Variants in LCOR observed in about 807,000 individuals in gnomAD.
The protein encoded by LCOR is ligand dependent nuclear receptor corepressor, also known as ligand-dependent corepressor.
In LCOR, 14 loss-of-function variants were observed where a neutral mutation model predicts 64.4. The ratio of observed to expected loss-of-function variants is 0.22; its 90% CI spans 0.14 to 0.34. The LOEUF (loss-of-function observed/expected upper bound fraction) is 0.34, where lower values mean the gene tolerates loss of function less well. Among genes scored for constraint, LCOR ranks in the 10% least tolerant of loss-of-function variants. LCOR has a pLI of 1.00. For synonymous variants in LCOR, 643 were observed against 642.5 expected (o/e 1.00, Z -0.01); for missense variants, 1,686 against 1,765.3 (o/e 0.96, Z 0.80).
At chr10:96,890,994 G>A (rs1846429876) in intron 2 of LCOR, among the ~76,000 whole-genome samples, 1 of 152,048 alleles carries the variant, frequency 6.6e-6, no homozygotes, top group South Asian at 2.1e-4. Flanking sequence ...TTGGTCTGTA[G>A]TTTCCTTATG....
At chr10:96,871,217 C>CTT (rs113618273) in intron 2 of LCOR, among the ~76,000 whole-genome samples, 118 of 140,014 alleles carry the variant, frequency 8.4e-4, no homozygotes, top group African/African-American at 2.5e-3. Flanking sequence ...CCACACCTGG[C>CTT]TTTTTTTTTT....
chr10:96,965,634 C>G (rs1462925185), intron 7 of LCOR, among the ~76,000 whole-genome samples: 2 of 141,856 alleles, frequency 1.4e-5, no homozygotes, highest in African/African-American at 5.4e-5. Flanking sequence ...TGCACTCCAG[C>G]CTGGGCGACA....
rs781342632 is a variant in LCOR at position 96,981,527 on chromosome 10, T to G, written c.1067T>G (p.Phe356Cys). 6.2e-7 allele frequency: 1 copy of G among 1,614,178 alleles called. No homozygotes were observed. Residue 356 changes from phenylalanine (F) to cysteine (C), a missense_variant, in exon 8 of 8, where the codon TTT becomes TGT. By Grantham distance (205) the Phe-to-Cys change is radical (BLOSUM62 -2). Transcript: ENST00000421806. The part of the protein sequence containing the change: ...ALSEEAWNSG[F>C]MGNSSRTADK... ...TCAGAAGAGGCTTGGAACTCAGGGTTTATGGGGAACTCATCTAGAACTGCT... is the reference window on the plus strand; with the variant it reads ...TCAGAAGAGGCTTGGAACTCAGGGTGTATGGGGAACTCATCTAGAACTGCT...
In LCOR at chr10:96,982,851, A is replaced by G; in HGVS notation, c.2391A>G (p.Glu797=). ...ATGATACAAGCATTGACTCACTCGA[A>G]GAGAATTTGGACAAGAAGAAAAAAG... ...DTYDTSIDSL[E]ENLDKKKKGK... is the part of the protein sequence containing the mutation. Residue 797 remains glutamate, a synonymous_variant, in exon 8 of 8, where the codon GAA becomes GAG. Coordinates refer to ENST00000421806, the MANE Select transcript of LCOR (RefSeq NM_001346516.2). 5 of 1,614,102 alleles carry G rather than the reference A, an allele frequency of 3.1e-6. No individual in the cohort carries two copies. The highest frequency in any genetic ancestry group is 4.2e-6 in the Non-Finnish European group (5 of 1,180,046).
rs150820167 is a variant in LCOR, at chr10:96,861,305, A to G, written c.-330+27826A>G. On this transcript the variant is annotated intron_variant, in intron 2 of 7. Transcript: ENST00000421806. ...AATGAAATAACAGTAAGTAAAGAAA[A>G]TGTCATAAGTTCGTAGTGATGAATG... Among the ~76,000 whole-genome samples, 462 of 152,328 alleles carry G rather than the reference A, an allele frequency of 3.0e-3. 4 individuals carry two copies. The highest frequency in any genetic ancestry group is 0.011 in the African/African-American group (443 of 41,582).
intron 4 of LCOR, among the ~76,000 whole-genome samples, chr10:96,912,186 G>A (rs1447647688): frequency 1.3e-5 from 2 of 151,934 alleles, no homozygotes; most frequent in Non-Finnish European, 2.9e-5. Context: ...CACCCGCCTC[G>A]GCCTCCCAAA....
chr10:96,936,289 G>T (rs933061679), intron 4 of LCOR, among the ~76,000 whole-genome samples: 1 of 152,214 alleles, frequency 6.6e-6, no homozygotes, highest in Non-Finnish European at 1.5e-5. Flanking sequence ...TGTTTAAAAA[G>T]CATATCTCAA....
At chr10:96,833,970 A>G (rs1232464347) in intron 2 of LCOR, among the ~76,000 whole-genome samples, 2 of 152,200 alleles carry the variant, frequency 1.3e-5, no homozygotes, top group Non-Finnish European at 2.9e-5. Context: ...TGGTTAGCTC[A>G]GTGTCTTTGT....
At chr10:96,867,738 T>A (rs1393979895) in intron 2 of LCOR, among the ~76,000 whole-genome samples, 3 of 152,120 alleles carry the variant, frequency 2.0e-5, no homozygotes, top group Admixed American at 6.6e-5. Context: ...CTCTATTTTA[T>A]ATGTATAGAT....
At chr10:96,864,039 C>T (rs1450623719) in intron 2 of LCOR, among the ~76,000 whole-genome samples, 1 of 152,176 alleles carries the variant, frequency 6.6e-6, no homozygotes, top group East Asian at 1.9e-4. Flanking sequence ...GTTTCTACAG[C>T]TAATGATGCC....
intron 2 of LCOR, among the ~76,000 whole-genome samples, chr10:96,888,326 T>G (rs1334196627): frequency 8.8e-6 from 1 of 113,662 alleles, no homozygotes; most frequent in Non-Finnish European, 1.6e-5. Flanking sequence ...ATCATGCCAC[T>G]GCACTCTAGC....
At position 96,956,300 on chromosome 10, in the gene LCOR, C is replaced by T; in HGVS notation, c.332+4104C>T. The T allele has an allele frequency of 4.0e-6, 4 of 994,396 alleles. No homozygotes were observed. The South Asian group carries it at 1.4e-4, about 34-fold the overall frequency. The allele number at this position is 994,396 out of a possible 1,614,324, so 61.6% of individuals were successfully genotyped here. ...TTACTTTTTAAAAAAGAAGAGGAAACAAAGCCCCCTTTTAGAAACTACGTC... is the reference window on the plus strand; with the variant it reads ...TTACTTTTTAAAAAAGAAGAGGAAATAAAGCCCCCTTTTAGAAACTACGTC... On this transcript the variant is annotated intron_variant, in intron 7 of 7. Coordinates refer to ENST00000421806, the MANE Select transcript of LCOR (RefSeq NM_001346516.2).
chr10:96,978,233 C>T (rs1247853969), intron 7 of LCOR, among the ~76,000 whole-genome samples: 1 of 152,166 alleles, frequency 6.6e-6, no homozygotes, highest in Admixed American at 6.5e-5. Context: ...CTCATTGAGT[C>T]GGAAAGTTGG....
chr10:96,916,175 G>C lies in LCOR; in HGVS notation c.-184+8428G>C, dbSNP rs1250098682. On this transcript the variant is annotated intron_variant, in intron 4 of 7. Coordinates refer to ENST00000421806, the MANE Select transcript of LCOR (RefSeq NM_001346516.2). ...GCCTCCTGAGTAGCTGGGACTACAG[G>C]TGCCCGCCACCACTCCCGTCTAACT... 2.0e-5 allele frequency among the ~76,000 whole-genome samples: 3 copies of C among 152,126 alleles called. No individual in the cohort carries two copies. In the East Asian group the frequency reaches 5.8e-4, roughly 29 times the overall value.
intron 2 of LCOR, among the ~76,000 whole-genome samples, chr10:96,866,859 A>C (rs2134399685): frequency 6.6e-6 from 1 of 152,240 alleles, no homozygotes; most frequent in East Asian, 1.9e-4. Flanking sequence ...TACAGACTTC[A>C]GCCACCGTGC....
At chr10:96,849,569 T>C (rs1845691873) in intron 2 of LCOR, among the ~76,000 whole-genome samples, 1 of 152,208 alleles carries the variant, frequency 6.6e-6, no homozygotes, top group Non-Finnish European at 1.5e-5. Context: ...TCTGAAACTT[T>C]TTGAACACCG....
At chr10:96,865,441 A>G (rs1361341074) in intron 2 of LCOR, among the ~76,000 whole-genome samples, 1 of 152,194 alleles carries the variant, frequency 6.6e-6, no homozygotes, top group Non-Finnish European at 1.5e-5. Context: ...TTAGGCAGAC[A>G]TTCTGTCAGT....
At chr10:96,920,662 G>GTA (rs1464255613) in intron 4 of LCOR, among the ~76,000 whole-genome samples, 1 of 128,504 alleles carries the variant, frequency 7.8e-6, no homozygotes, top group Admixed American at 7.6e-5. Flanking sequence ...GTGTATATAT[G>GTA]TATATATGTA....
intron 4 of LCOR, among the ~76,000 whole-genome samples, chr10:96,935,897 C>G (rs554814120): frequency 1.6e-4 from 24 of 152,350 alleles, no homozygotes; most frequent in East Asian, 3.9e-4. Context: ...TAGAAAATCT[C>G]ACACCTAAAG....
Sources: gnomAD v4.1 joint callset for allele counts (sites outside exome capture counted in the v4.1 genomes callset) on GRCh38, gnomAD v4.1.1 for gene constraint, MANE v1.5 for transcripts, NCBI Gene and HGNC (gene_info 2026-07-23, HGNC 2026-07-21) for gene names.